The following SYNE1 variants were observed in gnomAD, a reference collection of about 807,000 sequenced individuals.
SYNE1 encodes spectrin repeat containing nuclear envelope protein 1, also known as nesprin-1.
In SYNE1, 616 loss-of-function variants were observed where a neutral mutation model predicts 1,111.0. The ratio of observed to expected loss-of-function variants is 0.55; its 90% CI spans 0.52 to 0.59. SYNE1 has a LOEUF of 0.59. Ranked by LOEUF, SYNE1 falls within the 20% of genes least tolerant of loss-of-function variation. The probability of loss-of-function intolerance (pLI) is 0.00; values close to 1 mark genes in which losing one functional copy is unlikely to be tolerated. For synonymous variants in SYNE1, 3,855 were observed against 3,825.8 expected (o/e 1.01, Z -0.28); for missense variants, 10,006 against 10,417.0 (o/e 0.96, Z 1.72).
At chr6:152,497,456 G>T (rs1237290313) in intron 11 of SYNE1, among the ~76,000 whole-genome samples, 1 of 152,130 alleles carries the variant, frequency 6.6e-6, no homozygotes, top group Non-Finnish European at 1.5e-5. Context: ...TGTTCTTGAT[G>T]TGTACCCAAG....
At chr6:152,507,621 A>G (rs934221284) in intron 8 of SYNE1, among the ~76,000 whole-genome samples, 1 of 152,216 alleles carries the variant, frequency 6.6e-6, no homozygotes, top group Non-Finnish European at 1.5e-5. Flanking sequence ...AGTGATGAAC[A>G]GTGCCCAATT....
intron 4 of SYNE1, among the ~76,000 whole-genome samples, chr6:152,528,124 C>G (rs866843482): frequency 1.3e-5 from 2 of 152,192 alleles, no homozygotes; most frequent in Non-Finnish European, 2.9e-5. Context: ...CTTTCTCTTT[C>G]TTTCTCCTCT....
At chr6:152,127,705 G>A in intron 145 of SYNE1, 1 of 152,256 alleles carries the variant, frequency 6.6e-6, no homozygotes. Flanking sequence ...TTAGAGGGGA[G>A]AGGCTCTGTG....
intron 73 of SYNE1, among the ~76,000 whole-genome samples, chr6:152,346,487 C>G (rs1481240946): frequency 2.0e-5 from 3 of 152,210 alleles, no homozygotes; most frequent in African/African-American, 7.2e-5. Context: ...TTTAACAAAC[C>G]TTTTCACAAT....
At chr6:152,447,376 G>A in intron 29 of SYNE1, 82 bp downstream of exon 29, 1 of 1,465,966 alleles carries the variant, frequency 6.8e-7, no homozygotes, top group Admixed American at 1.9e-5. Flanking sequence ...AAAATTACTT[G>A]CTAAACTACA....
intron 3 of SYNE1, among the ~76,000 whole-genome samples, chr6:152,569,323 C>A (rs1017645599): frequency 6.6e-6 from 1 of 152,158 alleles, no homozygotes; most frequent in Non-Finnish European, 1.5e-5. Context: ...TTAATCATCA[C>A]CTTATGGGCA....
intron 3 of SYNE1, among the ~76,000 whole-genome samples, chr6:152,584,698 C>T (rs1254864084): frequency 3.3e-5 from 5 of 152,280 alleles, no homozygotes; most frequent in African/African-American, 7.2e-5. Flanking sequence ...CCACTGCACC[C>T]GGCCTTATAC....
intron 95 of SYNE1, among the ~76,000 whole-genome samples, chr6:152,290,986 T>C (rs2094571903): frequency 6.6e-6 from 1 of 151,332 alleles, no homozygotes; most frequent in Admixed American, 6.6e-5. Context: ...TGATGATACA[T>C]GAAATTATAT....
Position 152,353,533 on chromosome 6 carries a change from C to T in SYNE1, c.11082+56G>A, listed in dbSNP as rs1042200877. 1.4e-5 allele frequency: 22 copies of T among 1,613,852 alleles called. No homozygotes were observed. The African/African-American group carries it at 2.1e-4, about 16-fold the overall frequency. On this transcript the variant is annotated intron_variant, in intron 68 of 145. Coordinates refer to ENST00000367255, the MANE Select transcript of SYNE1 (RefSeq NM_182961.4). ...TCACTGGATGTTAGTGAAAGGAAGG[C>T]TATTTTGGCTGGCGAAGTTTGCTGG... is the stretch of plus-strand genomic sequence containing the variant.
At chr6:152,634,142 C>T (rs1180253687) in intron 2 of SYNE1, among the ~76,000 whole-genome samples, 3 of 152,164 alleles carry the variant, frequency 2.0e-5, no homozygotes, top group African/African-American at 7.2e-5. Context: ...TACTACTGAG[C>T]CACAAGAATA....
chr6:152,233,895 G>T lies in SYNE1; in HGVS notation c.20598C>A (p.Leu6866=). 6.2e-7 allele frequency: 1 copy of T among 1,614,152 alleles called. No individual in the cohort carries two copies. The highest frequency in any genetic ancestry group is 8.5e-7 in the Non-Finnish European group (1 of 1,180,020). The part of the protein sequence containing the change: ...KSSVLSTGNQ[L]LRLKKVDTAT... ...CTGTGTCCACCTTTTTTAGTCGAAG[G>T]AGCTGATTTCCAGTACTCAGAACAG... Residue 6866 remains leucine, a synonymous_variant, in exon 112 of 146, where the codon CTC becomes CTA. Coordinates refer to ENST00000367255, the MANE Select transcript of SYNE1 (RefSeq NM_182961.4).
intron 95 of SYNE1, among the ~76,000 whole-genome samples, chr6:152,291,346 A>C (rs943955590): frequency 1.3e-5 from 2 of 151,364 alleles, no homozygotes; most frequent in Non-Finnish European, 2.9e-5. Flanking sequence ...GGTAATCTTC[A>C]CTAAATTAGC....
At chr6:152,511,493 G>A (rs1330941962) in intron 6 of SYNE1, 2 of 1,358,476 alleles carry the variant, frequency 1.5e-6, no homozygotes, top group Non-Finnish European at 2.1e-6. Context: ...TTTGAAGTTT[G>A]TTACCAAATA....
At position 152,199,672 on chromosome 6, in the gene SYNE1, C is replaced by T. The variant is rs184739708; in HGVS notation, c.23145+2152G>A. Reference sequence around the variant, plus strand: ...AAATAGAGTATTTCATGTGCCGTTTCCCCTCCCTTTATGTGTCTTTACACG... The same window carrying T: ...AAATAGAGTATTTCATGTGCCGTTTTCCCTCCCTTTATGTGTCTTTACACG... On this transcript the variant is annotated intron_variant, in intron 127 of 145. Transcript: ENST00000367255. 2.4e-4 allele frequency among the ~76,000 whole-genome samples: 36 copies of T among 152,224 alleles called. No individual in the cohort carries two copies. The East Asian group carries it at 6.8e-3, about 29-fold the overall frequency.
chr6:152,552,202 A>G (rs1373887521), intron 3 of SYNE1, among the ~76,000 whole-genome samples: 13 of 152,178 alleles, frequency 8.5e-5, no homozygotes, highest in Admixed American at 8.5e-4. Flanking sequence ...CAGACTTTTA[A>G]AAAACCCACA....
At chr6:152,606,478 G>A (rs1352578818) in intron 3 of SYNE1, among the ~76,000 whole-genome samples, 1 of 152,172 alleles carries the variant, frequency 6.6e-6, no homozygotes, top group Non-Finnish European at 1.5e-5. Context: ...ACCTTTAACA[G>A]TATCTGGACC....
At chr6:152,256,229 G>A in intron 102 of SYNE1, among the ~76,000 whole-genome samples, 1 of 151,826 alleles carries the variant, frequency 6.6e-6, no homozygotes, top group Non-Finnish European at 1.5e-5. Flanking sequence ...GACCATCCTG[G>A]CTAACATGGT....
chr6:152,238,921 A>G (rs1214717711), intron 108 of SYNE1, among the ~76,000 whole-genome samples: 1 of 150,512 alleles, frequency 6.6e-6, no homozygotes, highest in Non-Finnish European at 1.5e-5. Context: ...TTTTTGAGAC[A>G]GAGTTTTACT....
intron 20 of SYNE1, 140 bp downstream of exon 20, chr6:152,462,598 G>A (rs1190986859): frequency 2.3e-6 from 2 of 874,220 alleles, no homozygotes; most frequent in East Asian, 2.5e-5. Context: ...TTTTCTGACA[G>A]GTGCAAATTG....
Sources: allele counts gnomAD v4.1 joint callset (sites outside exome capture counted in the v4.1 genomes callset), GRCh38; gene constraint gnomAD v4.1.1; transcripts MANE v1.5; gene names NCBI Gene and HGNC (gene_info 2026-07-23, HGNC 2026-07-21).